Variants in AKR1C8 observed in about 807,000 individuals in gnomAD.
The protein encoded by AKR1C8 is aldo-keto reductase family 1 member C8.
the AKR1C8 span, among the ~76,000 whole-genome samples, chr10:5,145,162 C>A: frequency 6.6e-6 from 1 of 152,162 alleles, no homozygotes; most frequent in African/African-American, 2.4e-5. Context: ...TGTTTATATA[C>A]TGGATTACAT....
chr10:5,129,830 A>G, the AKR1C8 span, among the ~76,000 whole-genome samples: 44 of 152,040 alleles, frequency 2.9e-4, no homozygotes, highest in African/African-American at 1.0e-3. Context: ...GCAGAATTCT[A>G]CTTGACATTC....
chr10:5,177,142 G>A, the AKR1C8 span, among the ~76,000 whole-genome samples: 22 of 152,164 alleles, frequency 1.4e-4, no homozygotes, highest in African/African-American at 5.1e-4. Flanking sequence ...ATTATTTTGA[G>A]ATGCATCCCA....
At chr10:5,176,994 G>T in the AKR1C8 span, among the ~76,000 whole-genome samples, 1 of 151,888 alleles carries the variant, frequency 6.6e-6, no homozygotes, top group South Asian at 2.1e-4. Context: ...AATTGCCCTG[G>T]CCAGAACTTC....
chr10:5,181,467 C>T, the AKR1C8 span, among the ~76,000 whole-genome samples: 15 of 152,076 alleles, frequency 9.9e-5, 1 homozygote, highest in East Asian at 7.7e-4. Flanking sequence ...CTAACATATT[C>T]GACAGGCTTC....
chr10:5,169,017 G>A, the AKR1C8 span, among the ~76,000 whole-genome samples: 1 of 151,902 alleles, frequency 6.6e-6, no homozygotes, highest in Non-Finnish European at 1.5e-5. Flanking sequence ...TTCAATTGAG[G>A]GACAATTAAT....
the AKR1C8 span, among the ~76,000 whole-genome samples, chr10:5,175,754 T>C: frequency 6.6e-6 from 1 of 152,254 alleles, no homozygotes; most frequent in Non-Finnish European, 1.5e-5. Flanking sequence ...TCATGTGTTT[T>C]TTTGGCTGCA....
chr10:5,121,259 C>A, the AKR1C8 span, among the ~76,000 whole-genome samples: 1 of 151,978 alleles, frequency 6.6e-6, no homozygotes, highest in Non-Finnish European at 1.5e-5. Context: ...GTGAACAAAC[C>A]AAAGTTAAGG....
chr10:5,141,712 T>C, the AKR1C8 span, among the ~76,000 whole-genome samples: 1 of 152,182 alleles, frequency 6.6e-6, no homozygotes, highest in African/African-American at 2.4e-5. Context: ...CAGTAATATT[T>C]TGAAAGGAAT....
At chr10:5,120,589 G>A in the AKR1C8 span, among the ~76,000 whole-genome samples, 2 of 152,048 alleles carry the variant, frequency 1.3e-5, no homozygotes, top group Admixed American at 6.6e-5. Flanking sequence ...ATATTGAATA[G>A]GGTCACAGAG....
chr10:5,168,756 A>G, the AKR1C8 span, among the ~76,000 whole-genome samples: 1 of 152,106 alleles, frequency 6.6e-6, no homozygotes, highest in Non-Finnish European at 1.5e-5. Flanking sequence ...GAAAAAGATA[A>G]GATCCCCATT....
the AKR1C8 span, among the ~76,000 whole-genome samples, chr10:5,173,676 G>A: frequency 6.0e-5 from 9 of 151,244 alleles, no homozygotes; most frequent in African/African-American, 1.7e-4. Context: ...TCAGACTTTT[G>A]GCCTTTCTCC....
At chr10:5,117,395 A>G in the AKR1C8 span, among the ~76,000 whole-genome samples, 1 of 152,088 alleles carries the variant, frequency 6.6e-6, no homozygotes, top group South Asian at 2.1e-4. Context: ...TCCACCCTCA[A>G]TCGAGGATTT....
At chr10:5,161,384 G>T in the AKR1C8 span, among the ~76,000 whole-genome samples, 1 of 152,166 alleles carries the variant, frequency 6.6e-6, no homozygotes, top group Non-Finnish European at 1.5e-5. Flanking sequence ...GATCAGCGGA[G>T]CCCAAAGGAG....
chr10:5,160,681 A>C, the AKR1C8 span: 1 of 383,328 alleles, frequency 2.6e-6, no homozygotes, highest in African/African-American at 2.1e-5. Context: ...AGATGAGAAC[A>C]CAGAGGCACA....
At chr10:5,165,680 T>C in the AKR1C8 span, among the ~76,000 whole-genome samples, 1 of 152,120 alleles carries the variant, frequency 6.6e-6, no homozygotes, top group Non-Finnish European at 1.5e-5. Context: ...AAGAGTACTT[T>C]ATGTTTAATA....
At chr10:5,182,495 C>A in the AKR1C8 span, among the ~76,000 whole-genome samples, 1 of 152,118 alleles carries the variant, frequency 6.6e-6, no homozygotes, top group Non-Finnish European at 1.5e-5. Flanking sequence ...ATTGACCCAA[C>A]TCATAAATAT....
the AKR1C8 span, chr10:5,163,049 T>C: frequency 4.0e-6 from 2 of 494,488 alleles, no homozygotes; most frequent in Non-Finnish European, 8.5e-6. Flanking sequence ...GAGTTGTTGA[T>C]CTGCCCAACT....
chr10:5,166,886 T>G, the AKR1C8 span, among the ~76,000 whole-genome samples: 7 of 151,358 alleles, frequency 4.6e-5, no homozygotes, highest in Non-Finnish European at 8.8e-5. Flanking sequence ...TGCAATCTAC[T>G]CATCTGACAA....
the AKR1C8 span, among the ~76,000 whole-genome samples, chr10:5,170,261 A>T: frequency 2.0e-5 from 3 of 152,150 alleles, no homozygotes; most frequent in Non-Finnish European, 2.9e-5. Context: ...AAACAGTAGA[A>T]AATAATAAAA....
Sources: allele counts gnomAD v4.1 joint callset (sites outside exome capture counted in the v4.1 genomes callset), GRCh38; gene constraint gnomAD v4.1.1; transcripts MANE v1.5; gene names NCBI Gene and HGNC (gene_info 2026-07-23, HGNC 2026-07-21).